Variants in DOCK1 observed in about 807,000 individuals in gnomAD.
The protein encoded by DOCK1 is dedicator of cytokinesis 1.
Under a neutral mutation model 262.7 loss-of-function variants are expected in DOCK1, and 138 were observed. That is an observed-to-expected ratio of 0.53 (90% confidence interval 0.46 to 0.61). DOCK1 has a LOEUF of 0.61. Among genes scored for constraint, DOCK1 ranks in the 20% least tolerant of loss-of-function variants. DOCK1 has a pLI of 0.00. For synonymous variants in DOCK1, 866 were observed against 867.4 expected (o/e 1.00, Z 0.03); for missense variants, 1,908 against 2,370.7 (o/e 0.80, Z 4.05).
Position 126,990,604 on chromosome 10 carries a change from G to C in DOCK1, c.473+1G>C. ...CAGCCAAAATTGATTATGGAAACAGGTTTGTTTATTTGAAAGATGATTTTA... is the reference window on the plus strand; with the variant it reads ...CAGCCAAAATTGATTATGGAAACAGCTTTGTTTATTTGAAAGATGATTTTA... On this transcript the variant is annotated splice_donor_variant, in intron 6 of 51. Coordinates refer to ENST00000623213, the MANE Select transcript of DOCK1 (RefSeq NM_001290223.2). LOFTEE classifies it high-confidence loss of function. The C allele has an allele frequency of 6.2e-7, 1 of 1,612,952 alleles. No individual in the cohort carries two copies. The highest frequency in any genetic ancestry group is 2.2e-5 in the East Asian group (1 of 44,844).
chr10:127,370,765 A>G (rs1256404607), intron 33 of DOCK1, among the ~76,000 whole-genome samples: 1 of 152,214 alleles, frequency 6.6e-6, no homozygotes, highest in African/African-American at 2.4e-5. Flanking sequence ...TCAATTTAAC[A>G]GCAACTTTCC....
chr10:127,239,353 G>A (rs1317039495), intron 27 of DOCK1, among the ~76,000 whole-genome samples: 1 of 152,016 alleles, frequency 6.6e-6, no homozygotes, highest in Admixed American at 6.6e-5. Flanking sequence ...ATATTTCAAA[G>A]TATCTTTTAT....
intron 27 of DOCK1, among the ~76,000 whole-genome samples, chr10:127,182,614 G>C (rs2055844350): frequency 6.6e-6 from 1 of 152,108 alleles, no homozygotes; most frequent in Admixed American, 6.5e-5. Flanking sequence ...TGGAAAATAT[G>C]CCTCCTTGAA....
intron 10 of DOCK1, among the ~76,000 whole-genome samples, chr10:127,005,623 T>C (rs1436352592): frequency 6.6e-6 from 1 of 152,192 alleles, no homozygotes; most frequent in Admixed American, 6.5e-5. Context: ...TATCTTTTTC[T>C]AAAAGATAGA....
chr10:127,260,346 G>A (rs906670124), intron 29 of DOCK1, among the ~76,000 whole-genome samples: 1 of 152,214 alleles, frequency 6.6e-6, no homozygotes, highest in Non-Finnish European at 1.5e-5. Flanking sequence ...GTCTACCTTG[G>A]TGATAATAAA....
At chr10:127,310,776 A>G (rs2062036251) in intron 29 of DOCK1, among the ~76,000 whole-genome samples, 1 of 152,218 alleles carries the variant, frequency 6.6e-6, no homozygotes, top group Admixed American at 6.5e-5. Flanking sequence ...AATAAACTCC[A>G]GTGGGCTGCT....
At chr10:127,065,358 G>C (rs1301997122) in intron 23 of DOCK1, among the ~76,000 whole-genome samples, 1 of 152,166 alleles carries the variant, frequency 6.6e-6, no homozygotes, top group African/African-American at 2.4e-5. Flanking sequence ...GTTCTACCAG[G>C]TGGTGGCATG....
chr10:126,988,003 ATTT>A (rs5788814), intron 5 of DOCK1: 65 of 135,202 alleles, frequency 4.8e-4, no homozygotes, highest in Non-Finnish European at 6.7e-4. Flanking sequence ...GGCAATTACT[ATTT>A]TTTTTTTTTT....
chr10:127,341,267 C>T (rs1024640123), intron 30 of DOCK1, among the ~76,000 whole-genome samples: 1 of 152,104 alleles, frequency 6.6e-6, no homozygotes, highest in African/African-American at 2.4e-5. Context: ...GTATAAATTC[C>T]ATTTTCTGTG....
At chr10:127,179,814 G>A (rs1409729859) in intron 27 of DOCK1, among the ~76,000 whole-genome samples, 5 of 152,200 alleles carry the variant, frequency 3.3e-5, no homozygotes, top group Non-Finnish European at 7.3e-5. Context: ...ACGTTACAGT[G>A]TAGCATTAAC....
chr10:127,361,329 T>C (rs548346556), intron 32 of DOCK1, among the ~76,000 whole-genome samples: 9 of 152,108 alleles, frequency 5.9e-5, no homozygotes, highest in Admixed American at 3.3e-4. Flanking sequence ...TTAGCCAGGA[T>C]GGTCTCGATC....
chr10:127,140,805 C>T (rs1007491308), intron 27 of DOCK1, among the ~76,000 whole-genome samples: 2 of 152,214 alleles, frequency 1.3e-5, no homozygotes, highest in African/African-American at 4.8e-5. Flanking sequence ...GCAGCAACAC[C>T]TGCTCTTCTG....
chr10:127,395,685 G>A (rs2066782286), intron 38 of DOCK1, among the ~76,000 whole-genome samples: 1 of 152,176 alleles, frequency 6.6e-6, no homozygotes, highest in Admixed American at 6.5e-5. Flanking sequence ...GAGGGTGGGA[G>A]CCAGAGACGA....
chr10:126,946,968 C>T (rs1053213408), intron 1 of DOCK1, among the ~76,000 whole-genome samples: 6,516 of 152,292 alleles, frequency 0.043, 205 homozygotes, highest in Non-Finnish European at 0.071. Context: ...CAGATCAATG[C>T]AGTGAGAATG....
At chr10:127,195,650 G>A (rs961180792) in intron 27 of DOCK1, among the ~76,000 whole-genome samples, 1 of 152,156 alleles carries the variant, frequency 6.6e-6, no homozygotes, top group South Asian at 2.1e-4. Context: ...GCCTGGCTAG[G>A]GCTGTCGGGC....
chr10:127,181,574 T>G (rs2055738295), intron 27 of DOCK1, among the ~76,000 whole-genome samples: 1 of 152,128 alleles, frequency 6.6e-6, no homozygotes, highest in Admixed American at 6.5e-5. Flanking sequence ...AAATTATGGG[T>G]TTTCCTAGTG....
chr10:127,346,088 A>G (rs758393425), intron 31 of DOCK1, among the ~76,000 whole-genome samples: 57 of 152,176 alleles, frequency 3.7e-4, no homozygotes, highest in Non-Finnish European at 6.2e-4. Context: ...AGCGCCCGCT[A>G]TTGGGTGAAG....
intron 29 of DOCK1, among the ~76,000 whole-genome samples, chr10:127,262,811 G>A (rs536078887): frequency 1.3e-5 from 2 of 152,174 alleles, no homozygotes; most frequent in Non-Finnish European, 2.9e-5. Context: ...ACTGCTGTGG[G>A]GATGTCACGT....
At chr10:127,366,674 G>T (rs1255310050) in intron 33 of DOCK1, among the ~76,000 whole-genome samples, 1 of 128,124 alleles carries the variant, frequency 7.8e-6, no homozygotes, top group Non-Finnish European at 1.7e-5. Flanking sequence ...TATTGTCGGT[G>T]ATGTGGGCGA....
Sources: allele counts gnomAD v4.1 joint callset (sites outside exome capture counted in the v4.1 genomes callset), GRCh38; gene constraint gnomAD v4.1.1; transcripts MANE v1.5; gene names NCBI Gene and HGNC (gene_info 2026-07-23, HGNC 2026-07-21).